The following ARHGAP15 variants were observed in gnomAD, a reference collection of about 807,000 sequenced individuals.
ARHGAP15 encodes rho GTPase-activating protein 15.
In ARHGAP15, 51 loss-of-function variants were observed where a neutral mutation model predicts 63.7. The ratio of observed to expected loss-of-function variants is 0.80; its 90% confidence interval spans 0.64 to 1.01. The LOEUF (loss-of-function observed/expected upper bound fraction) is 1.01, where lower values mean the gene tolerates loss of function less well. Ranked by LOEUF, ARHGAP15 falls within the 50% of genes least tolerant of loss-of-function variation. ARHGAP15 has a pLI of 0.00. For missense variants in ARHGAP15, 560 were observed against 564.6 expected, an observed-to-expected ratio of 0.99 and a Z score of 0.08; for synonymous variants, 191 against 193.8, an observed-to-expected ratio of 0.99 and a Z score of 0.12.
At chr2:143,493,743 G>T (rs1297852448) in intron 9 of ARHGAP15, among the ~76,000 whole-genome samples, 1 of 152,060 alleles carries the variant, frequency 6.6e-6, no homozygotes, top group African/African-American at 2.4e-5. Context: ...TCCTTCCACT[G>T]CTCCTCTGTG....
intron 10 of ARHGAP15, among the ~76,000 whole-genome samples, chr2:143,549,104 T>C (rs775170159): frequency 1.3e-5 from 2 of 152,140 alleles, no homozygotes; most frequent in Non-Finnish European, 2.9e-5. Context: ...CATAGTTTAA[T>C]CCCTCACCAT....
At chr2:143,637,888 A>C (rs894688044) in intron 12 of ARHGAP15, among the ~76,000 whole-genome samples, 1 of 152,220 alleles carries the variant, frequency 6.6e-6, no homozygotes, top group African/African-American at 2.4e-5. Flanking sequence ...CAGCCAAAAA[A>C]CACATGAAAA....
intron 12 of ARHGAP15, among the ~76,000 whole-genome samples, chr2:143,695,483 A>G (rs1683801534): frequency 6.6e-6 from 1 of 152,198 alleles, no homozygotes; most frequent in Admixed American, 6.5e-5. Context: ...TGAGGAGTGC[A>G]AGTTTGGTTT....
chr2:143,232,664 G>A (rs1042170486), intron 5 of ARHGAP15, among the ~76,000 whole-genome samples: 1 of 152,120 alleles, frequency 6.6e-6, no homozygotes, highest in African/African-American at 2.4e-5. Flanking sequence ...ACCCCTATCA[G>A]TTGTCCCTTT....
Position 143,641,062 on chromosome 2 carries a change from C to T in ARHGAP15, c.1138+16795C>T, listed in dbSNP as rs990780847. The stretch of plus-strand genomic sequence containing the variant: ...TTTGTGATGTCTTGCAGTGGAACAA[C>T]TGCAGCTGCAAAGCATCCTGAAGGC... On this transcript the variant is annotated intron_variant, in intron 12 of 13. Coordinates refer to ENST00000295095, the MANE Select transcript of ARHGAP15 (RefSeq NM_018460.4). 5 of 152,146 alleles carry T rather than the reference C, an allele frequency of 3.3e-5. No individual in the cohort carries two copies. In the East Asian group the frequency reaches 9.7e-4, roughly 29 times the overall value. 9.4% of individuals were successfully genotyped at this position (152,146 alleles called of 1,614,324 possible).
intron 6 of ARHGAP15, among the ~76,000 whole-genome samples, chr2:143,314,886 T>C (rs1315615136): frequency 6.6e-6 from 1 of 152,198 alleles, no homozygotes; most frequent in Non-Finnish European, 1.5e-5. Flanking sequence ...CTTTGACAAA[T>C]CAATTCATTA....
intron 12 of ARHGAP15, among the ~76,000 whole-genome samples, chr2:143,673,758 G>GTGTGTGTATA (rs1553520615): frequency 1.5e-3 from 33 of 22,132 alleles, no homozygotes; most frequent in African/African-American, 2.7e-3. Flanking sequence ...GTGTGTGTGT[G>GTGTGTGTATA]TATATATATA....
chr2:143,387,653 C>A (rs1687344989), intron 6 of ARHGAP15, among the ~76,000 whole-genome samples: 3 of 151,398 alleles, frequency 2.0e-5, no homozygotes, highest in Non-Finnish European at 2.9e-5. Flanking sequence ...AGGTATGAAC[C>A]AGGCCATAGA....
intron 11 of ARHGAP15, 152 bp from the exon 12 acceptor site, chr2:143,623,981 G>A: frequency 5.0e-6 from 4 of 797,588 alleles, no homozygotes; most frequent in Non-Finnish European, 7.6e-6. Context: ...TACGGAAAGA[G>A]GGAGGAAAAA....
chr2:143,768,001 A>T lies in ARHGAP15; in HGVS notation c.1257A>T (p.Lys419Asn). ...LFGHLTKIVAKASKNLMSTQS... is the reference protein window; with the variant it reads ...LFGHLTKIVANASKNLMSTQS... The stretch of plus-strand genomic sequence containing the variant: ...TCTCTCTCCACAGGATAGTGGCCAA[A>T]GCCTCCAAGAACCTCATGTCCACGC... The change falls in exon 14 of 14, where the codon AAA becomes AAT. Residue 419 changes from lysine (K) to asparagine (N), a missense_variant. Lys to Asn is a moderately conservative substitution (Grantham distance 94). Transcript: ENST00000295095. 3 of 1,613,496 alleles carry T rather than the reference A, an allele frequency of 1.9e-6. No homozygotes were observed. The highest frequency in any genetic ancestry group is 2.5e-6 in the Non-Finnish European group (3 of 1,179,646).
intron 2 of ARHGAP15, among the ~76,000 whole-genome samples, chr2:143,172,971 G>T (rs573079681): frequency 6.6e-6 from 1 of 152,182 alleles, no homozygotes; most frequent in East Asian, 1.9e-4. Flanking sequence ...AGCCTACAAA[G>T]AAGTTAAAAG....
chr2:143,741,786 G>A (rs1685972899), intron 13 of ARHGAP15, among the ~76,000 whole-genome samples: 1 of 152,136 alleles, frequency 6.6e-6, no homozygotes, highest in Non-Finnish European at 1.5e-5. Context: ...ACATCAAAAG[G>A]ACATAAAACT....
At chr2:143,726,676 C>A (rs1685293871) in intron 13 of ARHGAP15, among the ~76,000 whole-genome samples, 1 of 152,204 alleles carries the variant, frequency 6.6e-6, no homozygotes. Flanking sequence ...TAGAACAGGG[C>A]CAGCTCTGGA....
intron 6 of ARHGAP15, among the ~76,000 whole-genome samples, chr2:143,372,321 G>T (rs976587377): frequency 7.4e-6 from 1 of 134,572 alleles, no homozygotes; most frequent in South Asian, 2.4e-4. Context: ...CCAGCCTGGC[G>T]ACAAAAAATA....
Position 143,718,890 on chromosome 2 carries a change from C to T in ARHGAP15, c.1244+15366C>T, listed in dbSNP as rs553045255. On this transcript the variant is annotated intron_variant, in intron 13 of 13. Transcript: ENST00000295095. ...ATAAAGCTCTAGGATCTGGAAGCTT[C>T]CCTTCCCATGTCTGGGAGTGTTCAC... Among the ~76,000 whole-genome samples, 197 of 152,346 alleles carry T rather than the reference C, an allele frequency of 1.3e-3. 2 individuals carry two copies. Among genetic ancestry groups the T allele is most frequent in the Non-Finnish European group, 2.2e-3 (153 of 68,030 alleles).
At chr2:143,295,226 T>G (rs1312681590) in intron 6 of ARHGAP15, among the ~76,000 whole-genome samples, 1 of 152,068 alleles carries the variant, frequency 6.6e-6, no homozygotes, top group African/African-American at 2.4e-5. Flanking sequence ...AGAAAAGGTT[T>G]CTTCCTGAAA....
At chr2:143,496,719 T>G (rs566741869) in intron 9 of ARHGAP15, among the ~76,000 whole-genome samples, 1 of 152,306 alleles carries the variant, frequency 6.6e-6, no homozygotes, top group South Asian at 2.1e-4. Context: ...TTTTCTCAAG[T>G]AAAAGAAATG....
intron 6 of ARHGAP15, among the ~76,000 whole-genome samples, chr2:143,337,242 AAG>A (rs34849830): frequency 0.22 from 33,199 of 152,016 alleles, 4,076 homozygotes; most frequent in East Asian, 0.4. Context: ...GCTGGAGAGA[AAG>A]AGCAGAAGAA....
chr2:143,364,937 C>A (rs1452209405), intron 6 of ARHGAP15, among the ~76,000 whole-genome samples: 1 of 152,068 alleles, frequency 6.6e-6, no homozygotes, highest in Non-Finnish European at 1.5e-5. Flanking sequence ...AACCAGGAGG[C>A]GGAGGTTGCA....
Sources: gnomAD v4.1 joint callset for allele counts (sites outside exome capture counted in the v4.1 genomes callset) on GRCh38, gnomAD v4.1.1 for gene constraint, MANE v1.5 for transcripts, NCBI Gene and HGNC (gene_info 2026-07-23, HGNC 2026-07-21) for gene names.